The following HNRNPD variants were observed in gnomAD, a reference collection of about 807,000 sequenced individuals.
HNRNPD encodes heterogeneous nuclear ribonucleoprotein D.
Under a neutral mutation model 47.9 loss-of-function variants are expected in HNRNPD, and 3 were observed. That is an observed-to-expected ratio of 0.06 (90% confidence interval 0.03 to 0.16). The LOEUF is 0.16. Ranked by LOEUF, HNRNPD falls within the 10% of genes least tolerant of loss-of-function variation. The pLI is 1.00. For synonymous variants in HNRNPD, 171 were observed against 165.1 expected (o/e 1.04, Z -0.28); for missense variants, 287 against 454.2 (o/e 0.63, Z 3.35).
At chr4:82,366,994 A>C (rs1719793268) in intron 2 of HNRNPD, among the ~76,000 whole-genome samples, 1 of 150,278 alleles carries the variant, frequency 6.7e-6, no homozygotes, top group Non-Finnish European at 1.5e-5. Flanking sequence ...AGATGTAACT[A>C]CAACTACAAA....
Position 82,373,742 on chromosome 4 carries a change from C to A in HNRNPD, c.-64G>T. 6.5e-7 allele frequency: 1 copy of A among 1,527,214 alleles called. No homozygotes were observed. The highest frequency in any genetic ancestry group is 8.7e-7 in the Non-Finnish European group (1 of 1,143,842). The allele number at this position is 1,527,214 out of a possible 1,614,324, so 94.6% of individuals were successfully genotyped here. Reference sequence around the variant, plus strand: ...CGCCGCTGCCGCGAACCGAAACTAGCAGCAAAGTAATCCCCGCCGCTGCCG... The same window carrying A: ...CGCCGCTGCCGCGAACCGAAACTAGAAGCAAAGTAATCCCCGCCGCTGCCG... On this transcript the variant is annotated 5_prime_UTR_variant, in exon 1 of 9. Coordinates refer to ENST00000313899, the MANE Select transcript of HNRNPD (RefSeq NM_031370.3).
intron 2 of HNRNPD, among the ~76,000 whole-genome samples, chr4:82,363,046 GTGTATATA>G (rs1189818850): frequency 6.7e-6 from 1 of 149,754 alleles, no homozygotes; most frequent in Non-Finnish European, 1.5e-5. Flanking sequence ...GTGTGTGTGT[GTGTATATA>G]TATATATATA....
At chr4:82,365,689 C>T (rs1344578288) in intron 2 of HNRNPD, among the ~76,000 whole-genome samples, 1 of 151,944 alleles carries the variant, frequency 6.6e-6, no homozygotes, top group Admixed American at 6.6e-5. Context: ...ACTTCAACCT[C>T]TGCCTCCCAA....
chr4:82,372,692 A>T (rs1382009607), intron 1 of HNRNPD, among the ~76,000 whole-genome samples: 2 of 152,198 alleles, frequency 1.3e-5, no homozygotes, highest in Non-Finnish European at 2.9e-5. Context: ...GAACAGCTCC[A>T]GTCAAGTGCA....
At chr4:82,367,434 G>C (rs979301736) in intron 2 of HNRNPD, among the ~76,000 whole-genome samples, 5 of 152,176 alleles carry the variant, frequency 3.3e-5, no homozygotes, top group Non-Finnish European at 7.4e-5. Flanking sequence ...TTTGTACCTT[G>C]ATGAATTTTC....
Position 82,356,581 on chromosome 4 carries a change from T to C in HNRNPD, c.956A>G (p.Asp319Gly). The C allele has an allele frequency of 6.2e-7, 1 of 1,611,308 alleles. No homozygotes were observed. Reference sequence around the variant, plus strand: ...ATAGTAGTTGTTGTAACCAGTGTAGTCATATCCTCCATAACCACCGTAACC... The same window carrying C: ...ATAGTAGTTGTTGTAACCAGTGTAGCCATATCCTCCATAACCACCGTAACC... ...SQGYGGYGGY[D>G]YTGYNNYYGY... The change falls in exon 7 of 9, where the codon GAC becomes GGC. Residue 319 changes from aspartate (D) to glycine (G), a missense_variant. Around this residue, in one of 5 missense-constraint regions of HNRNPD, gnomAD observed 65 missense variants for 107.1 expected, o/e 0.61. Coordinates refer to ENST00000313899, the MANE Select transcript of HNRNPD (RefSeq NM_031370.3).
At chr4:82,356,775 T>TA in intron 6 of HNRNPD, 21 bp downstream of exon 6, 1 of 1,610,904 alleles carries the variant, frequency 6.2e-7, no homozygotes, top group Non-Finnish European at 8.5e-7. Flanking sequence ...TAAGATAGAG[T>TA]AAACTTAGGC....
chr4:82,369,021 T>C (rs534781496), intron 2 of HNRNPD, among the ~76,000 whole-genome samples: 5 of 152,340 alleles, frequency 3.3e-5, no homozygotes, highest in Admixed American at 3.3e-4. Context: ...GGGACTTTTT[T>C]GCTTCCTACC....
In HNRNPD at chr4:82,356,781, T is replaced by G. The variant is rs1368910909; in HGVS notation, c.853+15A>C. The G allele has an allele frequency of 6.2e-7, 1 of 1,612,334 alleles. No individual in the cohort carries two copies. The highest frequency in any genetic ancestry group is 8.5e-7 in the Non-Finnish European group (1 of 1,178,532). On this transcript the variant is annotated intron_variant, in intron 6 of 8. Coordinates refer to ENST00000313899, the MANE Select transcript of HNRNPD (RefSeq NM_031370.3). ...AGAAAAGCTTAAGATAGAGTAAACTTAGGCTCTAGCTTACCACCACCTCTT... is the reference window on the plus strand; with the variant it reads ...AGAAAAGCTTAAGATAGAGTAAACTGAGGCTCTAGCTTACCACCACCTCTT...
rs1328763931 is a variant in HNRNPD at position 82,373,483 on chromosome 4, C to T, written c.196G>A (p.Ala66Thr). Residue 66 changes from alanine (A) to threonine (T), a missense_variant, in exon 1 of 9, where the codon GCG (alanine) becomes ACG (threonine). This residue lies in a region of HNRNPD where 161 missense variants were observed against 137.1 expected (regional missense o/e 1.17). Transcript: ENST00000313899. The stretch of plus-strand genomic sequence containing the variant: ...TCGTTCTTACTGGCGTCAATCTTCG[C>T]CCCCTCCGACTCGGCGCTGCCCCCT... ...TEGGSAESEG[A>T]KIDASKNEED... The T allele has an allele frequency of 2.6e-6, 4 of 1,556,248 alleles. No homozygotes were observed. The highest frequency in any genetic ancestry group is 1.4e-5 in the African/African-American group (1 of 73,292).
chr4:82,354,970 AGC>A (rs1255190209), intron 8 of HNRNPD: 1 of 295,556 alleles, frequency 3.4e-6, no homozygotes, highest in Non-Finnish European at 6.4e-6. Flanking sequence ...TCGTGAAGTC[AGC>A]GCGACACAGG....
rs937776555 is a variant in HNRNPD, at chr4:82,373,729, G to A, written c.-51C>T. ...CCGAGACTACACCCGCCGCTGCCGC[G>A]AACCGAAACTAGCAGCAAAGTAATC... On this transcript the variant is annotated 5_prime_UTR_variant, in exon 1 of 9. Coordinates refer to ENST00000313899, the MANE Select transcript of HNRNPD (RefSeq NM_031370.3). The A allele has an allele frequency of 4.1e-5, 62 of 1,526,964 alleles. No homozygotes were observed. Among genetic ancestry groups the A allele is most frequent in the Non-Finnish European group, 5.0e-5 (57 of 1,143,956 alleles). 94.6% of individuals were successfully genotyped at this position (1,526,964 alleles called of 1,614,324 possible). A position where few individuals can be genotyped will look rare whatever the true frequency, so the allele number is the denominator to read the frequency against.
intron 4 of HNRNPD, 131 bp downstream of exon 4, chr4:82,358,528 T>G: frequency 2.5e-6 from 2 of 788,734 alleles, no homozygotes; most frequent in South Asian, 3.6e-5. Context: ...ATTTACAATA[T>G]CCTTATTCCA....
chr4:82,365,788 T>C (rs1168157179), intron 2 of HNRNPD, among the ~76,000 whole-genome samples: 1 of 145,736 alleles, frequency 6.9e-6, no homozygotes, highest in Admixed American at 6.8e-5. Context: ...TTTTTTTTTT[T>C]TTTTTTTGTA....
In HNRNPD at chr4:82,356,887, T is replaced by C; in HGVS notation, c.762A>G (p.Ile254Met). ...YHNVGLSKCE[I>M]KVAMSKEQYQ... Reference sequence around the variant, plus strand: ...ATTGTTCCTTCGACATGGCTACTTTTATTTCACACTAAAAGAGAAAAATTA... The same window carrying C: ...ATTGTTCCTTCGACATGGCTACTTTCATTTCACACTAAAAGAGAAAAATTA... Residue 254 changes from isoleucine (I) to methionine (M), a missense_variant, in exon 6 of 9, where the codon ATA becomes ATG. By Grantham distance (10) the Ile-to-Met change is conservative. Coordinates refer to ENST00000313899, the MANE Select transcript of HNRNPD (RefSeq NM_031370.3). 1.2e-6 allele frequency: 2 copies of C among 1,612,668 alleles called. No homozygotes were observed. Among genetic ancestry groups the C allele is most frequent in the Non-Finnish European group, 1.7e-6 (2 of 1,178,662 alleles).
chr4:82,356,947 TA>T, intron 5 of HNRNPD, 52 bp from the exon 6 acceptor site: 1 of 1,468,754 alleles, frequency 6.8e-7, no homozygotes, highest in Non-Finnish European at 9.5e-7. Context: ...TAAAAGTTGC[TA>T]AATAAGTTTC....
intron 2 of HNRNPD, among the ~76,000 whole-genome samples, chr4:82,367,861 C>T (rs1290859303): frequency 6.6e-6 from 1 of 152,188 alleles, no homozygotes; most frequent in African/African-American, 2.4e-5. Context: ...TACACACAAG[C>T]TATGAAAGCA....
rs1419278562 is a variant in HNRNPD at position 82,352,751 on chromosome 4, A to G, written c.*1434T>C. ...AACAAATGAGCATAGCTGGGTTGCA[A>G]TCTTATAAAAACAGGACACAGGTCC... is the stretch of plus-strand genomic sequence containing the variant. On this transcript the variant is annotated 3_prime_UTR_variant, in exon 9 of 9. Transcript: ENST00000313899. The G allele has an allele frequency of 6.6e-6, 1 of 152,008 alleles. No homozygotes were observed. The highest frequency in any genetic ancestry group is 2.4e-5 in the African/African-American group (1 of 41,344). The allele number at this position is 152,008 out of a possible 1,614,324, so 9.4% of individuals were successfully genotyped here.
In HNRNPD at chr4:82,373,967, C is replaced by G; in HGVS notation, c.-289G>C. On this transcript the variant is annotated 5_prime_UTR_variant, in exon 1 of 9. Transcript: ENST00000313899. ...CCTCCTCCTCGCTTTAATGGCGCCG[C>G]CGCGGACCACCTAAAATGGCCGACG... is the stretch of plus-strand genomic sequence containing the variant. 2 of 650,462 alleles carry G rather than the reference C, an allele frequency of 3.1e-6. No homozygotes were observed. The highest frequency in any genetic ancestry group is 4.6e-5 in the South Asian group (2 of 43,376). The allele number at this position is 650,462 out of a possible 1,614,324, so 40.3% of individuals were successfully genotyped here. A position where few individuals can be genotyped will look rare whatever the true frequency, so the allele number is the denominator to read the frequency against.
Sources: gnomAD v4.1 joint callset for allele counts (sites outside exome capture counted in the v4.1 genomes callset) on GRCh38, gnomAD v4.1.1 for gene constraint, gnomAD v4.1.1 regional missense constraint, MANE v1.5 for transcripts, NCBI Gene and HGNC (gene_info 2026-07-23, HGNC 2026-07-21) for gene names.